CCDC57: variants seen among roughly 807,000 people sequenced by gnomAD.
CCDC57 encodes coiled-coil domain-containing protein 57.
A neutral mutation model predicts 118.9 loss-of-function variants in CCDC57; 118 were observed. The observed-to-expected ratio is 0.99, with a 90% confidence interval of 0.86 to 1.16. The LOEUF is 1.16. CCDC57 is among the 50% of genes most tolerant of loss of function. CCDC57 has a pLI of 0.00. For missense variants in CCDC57, 1,300 were observed against 1,320.7 expected (o/e 0.98, Z 0.24); for synonymous variants, 527 against 532.9 (o/e 0.99, Z 0.15).
rs1299477766 is a variant in CCDC57 at position 82,192,084 on chromosome 17, C to G, written c.851+1672G>C. Reference sequence around the variant, plus strand: ...CAGTGAAACCTCCACCTCCCAAGTTCAAGTGATTCCCCTGCCTCAGCCTGC... The same window carrying G: ...CAGTGAAACCTCCACCTCCCAAGTTGAAGTGATTCCCCTGCCTCAGCCTGC... On this transcript the variant is annotated intron_variant, in intron 7 of 19. Transcript: ENST00000665763. The surrounding 1 kb of genome is among the most constrained non-coding windows in gnomAD (Gnocchi z 4.0). Among the ~76,000 whole-genome samples, 2 of 151,344 alleles carry G rather than the reference C, an allele frequency of 1.3e-5. No homozygotes were observed. The highest frequency in any genetic ancestry group is 2.9e-5 in the Non-Finnish European group (2 of 67,956).
chr17:82,116,398 CA>C (rs2035923831), intron 19 of CCDC57, among the ~76,000 whole-genome samples: 1 of 152,160 alleles, frequency 6.6e-6, no homozygotes, highest in African/African-American at 2.4e-5. Context: ...GGGAGCGGCC[CA>C]GGGGCGGCCC....
chr17:82,179,231 G>T, intron 9 of CCDC57, 42 bp from the exon 9 acceptor site: 1 of 1,581,770 alleles, frequency 6.3e-7, no homozygotes. Context: ...GCTTCCTGAG[G>T]TCCCTTCCAC....
intron 7 of CCDC57, among the ~76,000 whole-genome samples, chr17:82,190,899 C>G (rs1344164020): frequency 4.0e-5 from 6 of 150,976 alleles, no homozygotes; most frequent in Non-Finnish European, 7.4e-5. Flanking sequence ...ATGCTGTGGC[C>G]GAAAACCCCC....
Position 82,182,877 on chromosome 17 carries a change from G to C in CCDC57, c.1211+897C>G, listed in dbSNP as rs568595366. Among the ~76,000 whole-genome samples, 71 of 150,948 alleles carry C rather than the reference G, an allele frequency of 4.7e-4. 1 individual carries two copies. Among genetic ancestry groups the C allele is most frequent in the African/African-American group, 1.6e-3 (66 of 40,998 alleles). ...ATTTTTGTATTTTTAGTAGAGACGG[G>C]GTTTTACCATGTTGGCCAGGCTGGT... is the stretch of plus-strand genomic sequence containing the variant. On this transcript the variant is annotated intron_variant, in intron 9 of 19. Transcript: ENST00000665763.
chr17:82,107,352 T>G (rs1598611305), intron 19 of CCDC57: 1 of 443,868 alleles, frequency 2.3e-6, no homozygotes. Context: ...GGCACCCGGG[T>G]GGGGCACAGA....
intron 9 of CCDC57, among the ~76,000 whole-genome samples, chr17:82,182,178 G>A (rs1267250735): frequency 3.3e-5 from 5 of 151,376 alleles, no homozygotes; most frequent in Non-Finnish European, 5.9e-5. Context: ...TTCTGCATTA[G>A]TTCATATTAT....
intron 19 of CCDC57, among the ~76,000 whole-genome samples, chr17:82,103,516 C>T (rs1032540127): frequency 2.0e-5 from 3 of 152,218 alleles, no homozygotes; most frequent in Non-Finnish European, 4.4e-5. Flanking sequence ...GGTGGGGTAT[C>T]CCGTGGAAAG....
chr17:82,200,820 C>T (rs371890718), intron 3 of CCDC57, among the ~76,000 whole-genome samples: 2 of 152,200 alleles, frequency 1.3e-5, no homozygotes, highest in East Asian at 3.9e-4. Context: ...AAAAAAAATG[C>T]TGCTTATGTT....
chr17:82,186,200 T>C (rs1479752199), intron 8 of CCDC57, among the ~76,000 whole-genome samples: 1 of 152,144 alleles, frequency 6.6e-6, no homozygotes, highest in East Asian at 1.9e-4. Context: ...AGAGGAAAGA[T>C]ACAAGCTTTA....
rs142239773 is a variant in CCDC57, at chr17:82,101,656, T to G, written c.*26A>C. On this transcript the variant is annotated 3_prime_UTR_variant, in exon 20 of 20. Transcript: ENST00000665763. ...CCATGCGGAGGCCCCGAGCACCCCT[T>G]AGTGGGGCGGGGTGGGGGGAGGAAG... 0.035 allele frequency: 53,610 copies of G among 1,547,072 alleles called. 1,386 individuals are homozygous for G. The highest frequency in any genetic ancestry group is 0.11 in the African/African-American group (8,315 of 72,670).
chr17:82,212,399 T>C lies in CCDC57; in HGVS notation c.-211+386A>G, dbSNP rs867878838. On this transcript the variant is annotated intron_variant, in intron 1 of 19. Coordinates refer to ENST00000665763, the Ensembl canonical transcript of CCDC57. This position sits in a 1 kb window ranked among gnomAD's most constrained non-coding sequence, Gnocchi z 4.1. ...CCTCCGGCCTTTTTTTTTCCTCTCTTTTTTTTTTTTTTTTTTTAAACTCAC... is the reference window on the plus strand; with the variant it reads ...CCTCCGGCCTTTTTTTTTCCTCTCTCTTTTTTTTTTTTTTTTTAAACTCAC... Among the ~76,000 whole-genome samples the C allele has an allele frequency of 0.17, 24,356 of 142,122 alleles. 2,466 individuals carry two copies. The highest frequency in any genetic ancestry group is 0.24 in the Non-Finnish European group (15,289 of 64,946). 93.2% of individuals were successfully genotyped at this position (142,122 alleles called of 152,430 possible).
rs774404468 is a variant in CCDC57, at chr17:82,179,192, A to T, written c.1212-3T>A. 1 of 1,612,606 alleles carries T rather than the reference A, an allele frequency of 6.2e-7. No homozygotes were observed. The highest frequency in any genetic ancestry group is 8.5e-7 in the Non-Finnish European group (1 of 1,179,294). On this transcript the variant is annotated splice_region_variant and splice_polypyrimidine_tract_variant and intron_variant, in intron 9 of 19. Coordinates refer to ENST00000665763, the Ensembl canonical transcript of CCDC57. ...CCAGGGACAGCTGTTGCTTGTACCTAAGGACACGTCCAACCGCTCAGCATT... is the reference window on the plus strand; with the variant it reads ...CCAGGGACAGCTGTTGCTTGTACCTTAGGACACGTCCAACCGCTCAGCATT...
At chr17:82,168,951 A>C (rs996736933) in intron 13 of CCDC57, among the ~76,000 whole-genome samples, 6 of 152,152 alleles carry the variant, frequency 3.9e-5, no homozygotes, top group African/African-American at 1.4e-4. Flanking sequence ...ACCACAAAAA[A>C]CCTTCAGCAA....
intron 8 of CCDC57, among the ~76,000 whole-genome samples, chr17:82,184,706 T>C (rs1351511218): frequency 2.0e-5 from 3 of 152,206 alleles, no homozygotes; most frequent in Admixed American, 6.5e-5. Flanking sequence ...GTGAGCTGGC[T>C]GCCCCCACAG....
chr17:82,184,035 A>G (rs879021288), intron 8 of CCDC57, 103 bp from the exon 8 acceptor site: 10,746 of 229,264 alleles, frequency 0.047, 179 homozygotes, highest in Non-Finnish European at 0.067. Flanking sequence ...GCGCGCGCAC[A>G]CACACACACA....
chr17:82,122,280 C>G (rs902196549), intron 19 of CCDC57, among the ~76,000 whole-genome samples: 1 of 152,246 alleles, frequency 6.6e-6, no homozygotes, highest in Non-Finnish European at 1.5e-5. Context: ...CTGCTGGGAC[C>G]AGGGACAGCC....
intron 19 of CCDC57, among the ~76,000 whole-genome samples, 155 bp from the exon 19 acceptor site, chr17:82,102,021 G>A (rs972063104): frequency 9.2e-5 from 14 of 152,266 alleles, no homozygotes. Flanking sequence ...AGTCCGTGAA[G>A]GCCAAAGGAT....
At chr17:82,176,011 A>G (rs2045423323) in intron 11 of CCDC57, among the ~76,000 whole-genome samples, 1 of 152,210 alleles carries the variant, frequency 6.6e-6, no homozygotes, top group South Asian at 2.1e-4. Flanking sequence ...TTTGCTGTAC[A>G]ATGTTGGCAG....
chr17:82,145,568 A>G (rs1397596065), intron 16 of CCDC57, among the ~76,000 whole-genome samples: 2 of 152,136 alleles, frequency 1.3e-5, no homozygotes, highest in East Asian at 3.9e-4. Context: ...GCTATCATAA[A>G]GAAGTTTACT....
Sources: gnomAD v4.1 joint callset for allele counts (sites outside exome capture counted in the v4.1 genomes callset) on GRCh38, gnomAD v4.1.1 for gene constraint, Gnocchi (gnomAD v3.1) non-coding constraint, MANE v1.5 for transcripts, NCBI Gene and HGNC (gene_info 2026-07-23, HGNC 2026-07-21) for gene names.